Variants in FARP1 observed in about 807,000 individuals in gnomAD.
The protein encoded by FARP1 is FERM, ARH/RhoGEF and pleckstrin domain protein 1, also known as FERM, ARHGEF and pleckstrin domain-containing protein 1.
In FARP1, 52 loss-of-function variants were observed where a neutral mutation model predicts 128.8. That is an observed-to-expected ratio of 0.40 (90% CI 0.32 to 0.51). FARP1 has a LOEUF of 0.51. Ranked by LOEUF, FARP1 falls within the 20% of genes least tolerant of loss-of-function variation. The pLI, the probability that FARP1 is intolerant of heterozygous loss-of-function variation, is 0.45. For missense variants in FARP1, 1,333 were observed against 1,367.9 expected, an observed-to-expected ratio of 0.97 and a Z score of 0.40; for synonymous variants, 580 against 551.8, an observed-to-expected ratio of 1.05 and a Z score of -0.72.
chr13:98,187,458 A>T (rs542579860), intron 1 of FARP1, among the ~76,000 whole-genome samples: 1 of 152,324 alleles, frequency 6.6e-6, no homozygotes, highest in Admixed American at 6.5e-5. Flanking sequence ...ATAATCTTTG[A>T]TAAAGGAGCA....
At chr13:98,292,194 T>A (rs1440042461) in intron 2 of FARP1, among the ~76,000 whole-genome samples, 1 of 152,240 alleles carries the variant, frequency 6.6e-6, no homozygotes, top group East Asian at 1.9e-4. Context: ...ATTTAAAAAG[T>A]ACCCATTTAT....
intron 1 of FARP1, among the ~76,000 whole-genome samples, chr13:98,152,765 T>C (rs778451352): frequency 1.4e-4 from 22 of 151,996 alleles, no homozygotes; most frequent in Non-Finnish European, 1.5e-4. Flanking sequence ...GTTAATTATG[T>C]GGAAAGTGAC....
intron 6 of FARP1, among the ~76,000 whole-genome samples, chr13:98,380,804 C>T (rs1226057887): frequency 6.6e-6 from 1 of 152,082 alleles, no homozygotes; most frequent in Non-Finnish European, 1.5e-5. Flanking sequence ...GTCTCAAACT[C>T]CTGAGCTCAA....
intron 1 of FARP1, among the ~76,000 whole-genome samples, chr13:98,164,251 C>T (rs944468932): frequency 2.0e-5 from 3 of 152,116 alleles, no homozygotes; most frequent in Non-Finnish European, 4.4e-5. Flanking sequence ...CACCTTGGTC[C>T]GTTTTGGGGG....
At chr13:98,280,456 T>A (rs1330709947) in intron 2 of FARP1, among the ~76,000 whole-genome samples, 1 of 152,200 alleles carries the variant, frequency 6.6e-6, no homozygotes, top group Non-Finnish European at 1.5e-5. Context: ...AAGACCCTTC[T>A]TTAGGTGTCC....
At chr13:98,431,377 A>G in intron 18 of FARP1, 97 bp downstream of exon 18, 1 of 737,340 alleles carries the variant, frequency 1.4e-6, no homozygotes, top group Non-Finnish European at 2.2e-6. Flanking sequence ...CCCCGGGGAG[A>G]GAGGTCAGCT....
At chr13:98,164,623 T>C (rs1877112211) in intron 1 of FARP1, among the ~76,000 whole-genome samples, 1 of 152,244 alleles carries the variant, frequency 6.6e-6, no homozygotes. Context: ...TTTTGTTTAA[T>C]ACAAAACAAG....
chr13:98,363,143 G>A (rs1888942185), intron 3 of FARP1, among the ~76,000 whole-genome samples: 1 of 152,106 alleles, frequency 6.6e-6, no homozygotes, highest in Non-Finnish European at 1.5e-5. Context: ...ATTGCTCTTA[G>A]GATAAGGACC....
chr13:98,409,727 C>T (rs748059467), intron 14 of FARP1, among the ~76,000 whole-genome samples: 1 of 152,246 alleles, frequency 6.6e-6, no homozygotes, highest in African/African-American at 2.4e-5. Flanking sequence ...TCTTCCCAAA[C>T]AGAAACTACA....
chr13:98,277,148 A>ACACACACACACCCC (rs372627844), intron 2 of FARP1, among the ~76,000 whole-genome samples: 101 of 138,652 alleles, frequency 7.3e-4, no homozygotes, highest in Admixed American at 2.3e-3. Flanking sequence ...ACACACACAC[A>ACACACACACACCCC]CCCCATATGT....
chr13:98,212,626 G>A (rs1880799404), intron 1 of FARP1, among the ~76,000 whole-genome samples: 1 of 151,336 alleles, frequency 6.6e-6, no homozygotes, highest in African/African-American at 2.4e-5. Context: ...TGGGGGGGTG[G>A]GTGGCTGGAA....
intron 17 of FARP1, among the ~76,000 whole-genome samples, chr13:98,427,096 G>T (rs1891817773): frequency 6.6e-6 from 1 of 151,956 alleles, no homozygotes; most frequent in Non-Finnish European, 1.5e-5. Flanking sequence ...CATTCTCTGG[G>T]TGTTGACAAA....
intron 2 of FARP1, among the ~76,000 whole-genome samples, chr13:98,246,425 C>G (rs930383054): frequency 6.6e-6 from 1 of 152,002 alleles, no homozygotes; most frequent in Non-Finnish European, 1.5e-5. Context: ...ATCTGTAGAT[C>G]AGCAAAAATA....
Position 98,424,643 on chromosome 13 carries a change from G to T in FARP1, c.1898G>T (p.Gly633Val). The change falls in exon 17 of 27, where the codon GGC becomes GTC. Residue 633 changes from glycine to valine, a missense_variant. By Grantham distance (109) the Gly-to-Val change is moderately radical (BLOSUM62 -3). Around this residue, in one of 2 missense-constraint regions of FARP1, gnomAD observed 1,009 missense variants for 969.8 expected, o/e 1.04. Transcript: ENST00000319562. Reference protein sequence around the residue: ...IGDVMLKNIQGMKHLAAHLWK... With the variant: ...IGDVMLKNIQVMKHLAAHLWK... ...GATGTCATGCTGAAGAACATTCAGG[G>T]CATGAAGGTGAGCTGGTTGAGATTT... 1.2e-6 allele frequency: 2 copies of T among 1,611,246 alleles called. No homozygotes were observed. The highest frequency in any genetic ancestry group is 1.7e-6 in the Non-Finnish European group (2 of 1,177,362).
intron 2 of FARP1, among the ~76,000 whole-genome samples, chr13:98,296,457 C>T (rs1231182589): frequency 1.3e-5 from 2 of 152,058 alleles, no homozygotes; most frequent in South Asian, 4.2e-4. Context: ...CCCCCGTTCT[C>T]GCCAGAGTGG....
chr13:98,179,174 A>G (rs955266822), intron 1 of FARP1, among the ~76,000 whole-genome samples: 3 of 152,070 alleles, frequency 2.0e-5, no homozygotes, highest in African/African-American at 7.2e-5. Flanking sequence ...CTCACAATCC[A>G]TGGTAGAAGG....
chr13:98,421,868 T>A (rs61352366), intron 16 of FARP1, among the ~76,000 whole-genome samples: 21,390 of 147,030 alleles, frequency 0.15, 1,569 homozygotes, highest in African/African-American at 0.18. Context: ...AAAAAAAAAA[T>A]TTTTTTTAAG....
intron 1 of FARP1, among the ~76,000 whole-genome samples, chr13:98,180,216 C>T (rs1271236544): frequency 6.6e-6 from 1 of 152,084 alleles, no homozygotes; most frequent in Non-Finnish European, 1.5e-5. Context: ...CAGTAAACTT[C>T]CAGTTGATCA....
intron 2 of FARP1, among the ~76,000 whole-genome samples, chr13:98,307,267 T>C (rs1391018740): frequency 1.3e-5 from 2 of 152,250 alleles, no homozygotes; most frequent in Non-Finnish European, 2.9e-5. Flanking sequence ...AAGTCATTGA[T>C]TTTTGAATTA....
Sources: allele counts gnomAD v4.1 joint callset (sites outside exome capture counted in the v4.1 genomes callset), GRCh38; gene constraint gnomAD v4.1.1; regional missense constraint gnomAD v4.1.1; transcripts MANE v1.5; gene names NCBI Gene and HGNC (gene_info 2026-07-23, HGNC 2026-07-21).